GALNTL6: variants seen among roughly 807,000 people sequenced by gnomAD.
GALNTL6 encodes polypeptide N-acetylgalactosaminyltransferase like 6.
Under a neutral mutation model 73.7 loss-of-function variants are expected in GALNTL6, and 46 were observed. The observed-to-expected ratio is 0.62, with a 90% CI of 0.49 to 0.80. GALNTL6 has a LOEUF of 0.80. Among genes scored for constraint, GALNTL6 ranks in the 30% least tolerant of loss-of-function variants. The pLI, the probability that GALNTL6 is intolerant of heterozygous loss-of-function variation, is 0.00. For synonymous variants in GALNTL6, 259 were observed against 263.7 expected (o/e 0.98, Z 0.17); for missense variants, 604 against 755.0 (o/e 0.80, Z 2.34).
intron 5 of GALNTL6, among the ~76,000 whole-genome samples, chr4:172,490,098 T>C (rs954279729): frequency 4.6e-5 from 7 of 152,202 alleles, no homozygotes; most frequent in African/African-American, 1.7e-4. Context: ...TCTGCAGGAG[T>C]CTTGCCTCAG....
At chr4:172,380,435 T>G (rs1579015954) in intron 5 of GALNTL6, 2 of 537,580 alleles carry the variant, frequency 3.7e-6, no homozygotes, top group East Asian at 8.4e-5. Context: ...AGGAACTGGT[T>G]CTGCCAGCAA....
chr4:172,364,900 C>A (rs1742500539), intron 5 of GALNTL6, among the ~76,000 whole-genome samples: 1 of 152,232 alleles, frequency 6.6e-6, no homozygotes, highest in African/African-American at 2.4e-5. Flanking sequence ...AATTTTTATT[C>A]AAGTTAAAAC....
rs531695867 is a variant in GALNTL6 at position 172,301,530 on chromosome 4, G to A, written c.248-10084G>A. Among the ~76,000 whole-genome samples, 1,471 of 152,166 alleles carry A rather than the reference G, an allele frequency of 9.7e-3. 12 individuals are homozygous for A. Among genetic ancestry groups the A allele is most frequent in the South Asian group, 0.019 (90 of 4,822 alleles). ...ACCTTTGGTCTTTGATGATGGTGAC[G>A]TACAGATGGGGTTTTGGTGTGGATG... is the stretch of plus-strand genomic sequence containing the variant. On this transcript the variant is annotated intron_variant, in intron 3 of 12. Coordinates refer to ENST00000506823, the MANE Select transcript of GALNTL6 (RefSeq NM_001034845.3).
intron 5 of GALNTL6, among the ~76,000 whole-genome samples, chr4:172,393,803 T>C (rs1486655298): frequency 5.3e-5 from 8 of 152,196 alleles, no homozygotes; most frequent in Non-Finnish European, 1.2e-4. Flanking sequence ...ATTCAAACTA[T>C]ATTTTAATGC....
At chr4:172,200,813 G>A (rs931820028) in intron 2 of GALNTL6, among the ~76,000 whole-genome samples, 1 of 152,100 alleles carries the variant, frequency 6.6e-6, no homozygotes, top group Non-Finnish European at 1.5e-5. Context: ...ATTGTTACAG[G>A]GTGAGTTATG....
intron 2 of GALNTL6, among the ~76,000 whole-genome samples, chr4:172,020,116 A>G (rs1293012848): frequency 6.6e-6 from 1 of 152,096 alleles, no homozygotes; most frequent in East Asian, 1.9e-4. Context: ...TCTTGAAACC[A>G]ATGAAAATGG....
chr4:172,982,463 T>G (rs1294212454), intron 10 of GALNTL6, among the ~76,000 whole-genome samples: 1 of 152,218 alleles, frequency 6.6e-6, no homozygotes, highest in Non-Finnish European at 1.5e-5. Flanking sequence ...GAGACTGCTA[T>G]CAAAACAGGC....
rs1298795716 is a variant in GALNTL6 at position 171,980,991 on chromosome 4, T to C, written c.138+166273T>C. On this transcript the variant is annotated intron_variant, in intron 2 of 12. Transcript: ENST00000506823. ...AGAATCAAGTGTTATAAATGAAACA[T>C]TTCAAATGCCTTAAAATTGTGAGCT... Among the ~76,000 whole-genome samples the C allele has an allele frequency of 2.6e-5, 4 of 152,308 alleles. No individual in the cohort carries two copies. In the East Asian group the frequency reaches 7.7e-4, roughly 29 times the overall value.
chr4:172,176,209 G>A (rs933661383), intron 2 of GALNTL6, among the ~76,000 whole-genome samples: 11 of 151,312 alleles, frequency 7.3e-5, no homozygotes, highest in East Asian at 2.0e-4. Context: ...GCGAGGTGGC[G>A]GGCACCTGTA....
intron 2 of GALNTL6, among the ~76,000 whole-genome samples, chr4:172,180,573 T>C (rs1735208729): frequency 6.6e-6 from 1 of 152,240 alleles, no homozygotes; most frequent in South Asian, 2.1e-4. Context: ...AGGGTTTTTA[T>C]GGTTTTAGGC....
intron 2 of GALNTL6, among the ~76,000 whole-genome samples, chr4:172,022,462 A>G (rs908015073): frequency 1.3e-5 from 2 of 152,022 alleles, no homozygotes; most frequent in African/African-American, 4.8e-5. Flanking sequence ...CAAAAACTAT[A>G]CCAGTGGCAA....
At chr4:171,877,029 G>A (rs978362967) in intron 2 of GALNTL6, among the ~76,000 whole-genome samples, 13 of 152,008 alleles carry the variant, frequency 8.6e-5, no homozygotes, top group African/African-American at 2.9e-4. Context: ...TGAGCTACTC[G>A]ACCGCCCTCA....
At chr4:172,658,827 A>C (rs1731221790) in intron 5 of GALNTL6, among the ~76,000 whole-genome samples, 1 of 152,228 alleles carries the variant, frequency 6.6e-6, no homozygotes, top group African/African-American at 2.4e-5. Context: ...GCATCAGAGT[A>C]AACATGTTTT....
At chr4:172,295,390 C>G (rs1042726025) in intron 3 of GALNTL6, among the ~76,000 whole-genome samples, 2 of 147,574 alleles carry the variant, frequency 1.4e-5, no homozygotes, top group Non-Finnish European at 3.0e-5. Context: ...CCACTGCACT[C>G]GAGCCTGGGC....
chr4:172,158,554 T>C (rs1012895802), intron 2 of GALNTL6, among the ~76,000 whole-genome samples: 2 of 152,072 alleles, frequency 1.3e-5, no homozygotes, highest in Non-Finnish European at 2.9e-5. Flanking sequence ...AGGGATATAT[T>C]ATGAGCTGTA....
intron 8 of GALNTL6, among the ~76,000 whole-genome samples, chr4:172,916,213 C>T (rs1747500022): frequency 6.6e-6 from 1 of 152,154 alleles, no homozygotes; most frequent in Admixed American, 6.5e-5. Flanking sequence ...ATGCTAAAAA[C>T]ACTCAATAAA....
chr4:172,658,407 T>C (rs1183462532), intron 5 of GALNTL6, among the ~76,000 whole-genome samples: 127 of 133,342 alleles, frequency 9.5e-4, no homozygotes, highest in African/African-American at 2.9e-3. Flanking sequence ...GCGGAGCTTG[T>C]AGTGAGCCGA....
chr4:171,886,999 G>T (rs533329553), intron 2 of GALNTL6, among the ~76,000 whole-genome samples: 1 of 152,254 alleles, frequency 6.6e-6, no homozygotes, highest in Admixed American at 6.5e-5. Flanking sequence ...GTGCTGCTGT[G>T]ACAGAATACC....
chr4:172,881,947 C>A (rs1222217116), intron 7 of GALNTL6, among the ~76,000 whole-genome samples: 2 of 151,472 alleles, frequency 1.3e-5, no homozygotes, highest in Admixed American at 6.6e-5. Context: ...AGGTTGTTCA[C>A]AGGGTTGTTG....
Sources: allele counts gnomAD v4.1 joint callset (sites outside exome capture counted in the v4.1 genomes callset), GRCh38; gene constraint gnomAD v4.1.1; transcripts MANE v1.5; gene names NCBI Gene and HGNC (gene_info 2026-07-23, HGNC 2026-07-21).